Variants in KAT6B observed in about 807,000 individuals in gnomAD.
KAT6B encodes histone acetyltransferase KAT6B.
KAT6B carries 10 observed loss-of-function variants against 187.5 expected under a neutral mutation model. The observed-to-expected ratio is 0.05, with a 90% CI of 0.03 to 0.09. KAT6B has a LOEUF of 0.09. Ranked by LOEUF, KAT6B falls within the 10% of genes least tolerant of loss-of-function variation. The probability of loss-of-function intolerance (pLI) is 1.00; values close to 1 mark genes in which losing one functional copy is unlikely to be tolerated. For synonymous variants in KAT6B, 861 were observed against 926.8 expected, an observed-to-expected ratio of 0.93 and a Z score of 1.29; for missense variants, 1,952 against 2,558.9, an observed-to-expected ratio of 0.76 and a Z score of 5.12.
At chr10:74,977,069 T>G in intron 8 of KAT6B, 2 of 407,430 alleles carry the variant, frequency 4.9e-6, no homozygotes, top group South Asian at 4.6e-5. Flanking sequence ...TTGCTCTTAC[T>G]TTCCCTCATA....
chr10:75,020,994 G>C (rs1350102302), intron 14 of KAT6B, 132 bp from the exon 15 acceptor site: 5 of 1,007,076 alleles, frequency 5.0e-6, no homozygotes, highest in Admixed American at 3.5e-5. Flanking sequence ...CCAGTGTTCT[G>C]TACCCTCTCA....
At chr10:75,022,705 C>T (rs977190619) in intron 16 of KAT6B, among the ~76,000 whole-genome samples, 51 of 152,136 alleles carry the variant, frequency 3.4e-4, no homozygotes, top group African/African-American at 9.9e-4. Flanking sequence ...CCAAGGTGGG[C>T]AGATCACCTG....
At chr10:75,000,355 A>C (rs953714644) in intron 13 of KAT6B, among the ~76,000 whole-genome samples, 1 of 152,072 alleles carries the variant, frequency 6.6e-6, no homozygotes, top group African/African-American at 2.4e-5. Flanking sequence ...GGGAAAACAA[A>C]AAGCAACATC....
chr10:74,962,387 C>A (rs1328286603), intron 4 of KAT6B, among the ~76,000 whole-genome samples: 5 of 151,894 alleles, frequency 3.3e-5, no homozygotes, highest in Admixed American at 3.3e-4. Flanking sequence ...ATGGCGGGAG[C>A]CCTGTTGTCA....
At chr10:75,018,177 C>T (rs1459922391) in intron 13 of KAT6B, among the ~76,000 whole-genome samples, 1 of 152,216 alleles carries the variant, frequency 6.6e-6, no homozygotes, top group African/African-American at 2.4e-5. Context: ...GGCCTCCTGG[C>T]AGGTGTTGGC....
At chr10:74,852,925 C>T (rs1842569151) in intron 3 of KAT6B, among the ~76,000 whole-genome samples, 1 of 152,076 alleles carries the variant, frequency 6.6e-6, no homozygotes, top group African/African-American at 2.4e-5. Context: ...TATTCTGTAG[C>T]TTTGAAGTTA....
At chr10:74,925,856 T>C (rs1489261192) in intron 3 of KAT6B, among the ~76,000 whole-genome samples, 1 of 152,220 alleles carries the variant, frequency 6.6e-6, no homozygotes, top group East Asian at 1.9e-4. Context: ...GAGTGCTCAT[T>C]ATGTGCTTGA....
At chr10:74,976,578 T>C in intron 8 of KAT6B, 1 of 547,066 alleles carries the variant, frequency 1.8e-6, no homozygotes, top group Non-Finnish European at 3.3e-6. Flanking sequence ...GTAGTGACAC[T>C]AGGACCCCCA....
chr10:74,988,989 A>T (rs1301123834), intron 12 of KAT6B, 30 bp from the exon 13 acceptor site: 1 of 1,492,244 alleles, frequency 6.7e-7, no homozygotes. Context: ...CAGGGCTCTG[A>T]CATACTTGAT....
rs1173920910 is a variant in KAT6B, at chr10:74,843,477, A to G, written c.620A>G (p.Gln207Arg). The G allele has an allele frequency of 1.9e-6, 3 of 1,613,252 alleles. No individual in the cohort carries two copies. Among genetic ancestry groups the G allele is most frequent in the Middle Eastern group, 1.9e-4 (1 of 5,348 alleles). ...PVSLLPHEKD[Q>R]PRADPIPICS... is the part of the protein sequence containing the mutation. The stretch of plus-strand genomic sequence containing the variant: ...AGCCTTCTACCCCATGAGAAAGACC[A>G]GGTAAGCGAAGGAGTAATGTTCGTG... Residue 207 changes from glutamine (Q) to arginine (R), a missense_variant and splice_region_variant, in exon 3 of 18, where the codon CAG becomes CGG. Physicochemically the swap from Gln to Arg is conservative, Grantham distance 43. Around this residue, in one of 9 missense-constraint regions of KAT6B, gnomAD observed 218 missense variants for 282.6 expected, o/e 0.77. Coordinates refer to ENST00000287239, the MANE Select transcript of KAT6B (RefSeq NM_012330.4).
intron 3 of KAT6B, among the ~76,000 whole-genome samples, chr10:74,880,691 C>T (rs780944610): frequency 2.0e-5 from 3 of 152,208 alleles, no homozygotes; most frequent in Middle Eastern, 3.2e-3. Context: ...TCTCGGCTCA[C>T]TGCAACCTCC....
intron 3 of KAT6B, among the ~76,000 whole-genome samples, chr10:74,850,843 A>T (rs573236685): frequency 1.3e-5 from 2 of 152,318 alleles, no homozygotes; most frequent in South Asian, 4.1e-4. Context: ...TTTAAAATAA[A>T]TTCCATAGTA....
At chr10:74,877,175 A>G (rs1186950944) in intron 3 of KAT6B, among the ~76,000 whole-genome samples, 1 of 151,964 alleles carries the variant, frequency 6.6e-6, no homozygotes, top group Non-Finnish European at 1.5e-5. Flanking sequence ...CATGTTGGCC[A>G]GGCTGGTGTC....
At chr10:74,934,186 CA>C (rs386371842) in intron 3 of KAT6B, among the ~76,000 whole-genome samples, 1,103 of 69,354 alleles carry the variant, frequency 0.016, 2 homozygotes, top group Middle Eastern at 0.045. Context: ...ACTCCGTCTC[CA>C]AAAAAAAAAA....
Position 74,881,870 on chromosome 10 carries a change from CT to C in KAT6B, c.621+38394del, listed in dbSNP as rs1458271467. The stretch of plus-strand genomic sequence containing the variant: ...GGGGTCTCGCTATGTTGCCTAGGCT[CT>C]TCTCAAACTCCTGGCCTCAAAGCGA... On this transcript the variant is annotated intron_variant, in intron 3 of 17. Coordinates refer to ENST00000287239, the MANE Select transcript of KAT6B (RefSeq NM_012330.4). Among the ~76,000 whole-genome samples the C allele has an allele frequency of 2.6e-5, 4 of 152,202 alleles. No individual in the cohort carries two copies. In the Middle Eastern group the frequency reaches 0.01, roughly 388 times the overall value.
chr10:74,862,444 C>T (rs767081242), intron 3 of KAT6B, among the ~76,000 whole-genome samples: 18 of 152,144 alleles, frequency 1.2e-4, no homozygotes, highest in Non-Finnish European at 2.4e-4. Flanking sequence ...AGCTTTTAAA[C>T]GTTAGATGCC....
intron 13 of KAT6B, among the ~76,000 whole-genome samples, chr10:75,001,631 G>T (rs1830515792): frequency 6.6e-6 from 1 of 152,100 alleles, no homozygotes; most frequent in Non-Finnish European, 1.5e-5. Flanking sequence ...GCCTTCAGTG[G>T]GCTATTTTGT....
chr10:74,971,332 A>G (rs1184580261), intron 6 of KAT6B, among the ~76,000 whole-genome samples: 1 of 152,236 alleles, frequency 6.6e-6, no homozygotes, highest in Non-Finnish European at 1.5e-5. Flanking sequence ...CCAGCAGTAT[A>G]GAAGGATACC....
At chr10:74,889,839 C>T (rs1285135509) in intron 3 of KAT6B, among the ~76,000 whole-genome samples, 3 of 152,064 alleles carry the variant, frequency 2.0e-5, no homozygotes, top group African/African-American at 4.8e-5. Flanking sequence ...TGAGTGTCTC[C>T]CCATAAGTAA....
Sources: allele counts gnomAD v4.1 joint callset (sites outside exome capture counted in the v4.1 genomes callset), GRCh38; gene constraint gnomAD v4.1.1; regional missense constraint gnomAD v4.1.1; transcripts MANE v1.5; gene names NCBI Gene and HGNC (gene_info 2026-07-23, HGNC 2026-07-21).